Variants in NSUN7 observed in about 807,000 individuals in gnomAD.
NSUN7 encodes protein NSUN7.
In NSUN7, 39 loss-of-function variants were observed where a neutral mutation model predicts 58.5. That is an observed-to-expected ratio of 0.67 (90% CI 0.52 to 0.87). The LOEUF is 0.87. NSUN7 is among the 40% of genes least tolerant of loss of function. The pLI, the probability that NSUN7 is intolerant of heterozygous loss-of-function variation, is 0.00. For missense variants in NSUN7, 765 were observed against 844.1 expected (o/e 0.91, Z 1.16); for synonymous variants, 278 against 303.7 (o/e 0.92, Z 0.88).
At chr4:40,757,835 A>G (rs1293369138) in intron 2 of NSUN7, among the ~76,000 whole-genome samples, 1 of 151,760 alleles carries the variant, frequency 6.6e-6, no homozygotes, top group Non-Finnish European at 1.5e-5. Context: ...CTAGGGGGAA[A>G]AAATGCAATT....
At chr4:40,769,923 A>G (rs1741915412) in intron 4 of NSUN7, among the ~76,000 whole-genome samples, 1 of 152,220 alleles carries the variant, frequency 6.6e-6, no homozygotes, top group Non-Finnish European at 1.5e-5. Context: ...AGAAAATGCA[A>G]TCAAGGTCAG....
intron 10 of NSUN7, among the ~76,000 whole-genome samples, chr4:40,805,557 G>A (rs374959005): frequency 6.6e-6 from 1 of 152,184 alleles, no homozygotes; most frequent in Admixed American, 6.5e-5. Context: ...GGTAACTAAC[G>A]TGGGACCTAT....
At chr4:40,754,570 C>T (rs1741043335) in intron 2 of NSUN7, among the ~76,000 whole-genome samples, 2 of 152,152 alleles carry the variant, frequency 1.3e-5, no homozygotes, top group Non-Finnish European at 2.9e-5. Flanking sequence ...CTGGCTTATA[C>T]AGTATAAGTT....
chr4:40,762,046 T>C (rs1741486502), intron 4 of NSUN7, among the ~76,000 whole-genome samples: 1 of 152,214 alleles, frequency 6.6e-6, no homozygotes, highest in Non-Finnish European at 1.5e-5. Flanking sequence ...AATAGATTAA[T>C]GCTATTATAA....
At chr4:40,792,958 A>T (rs1398505129) in intron 8 of NSUN7, among the ~76,000 whole-genome samples, 2 of 152,186 alleles carry the variant, frequency 1.3e-5, no homozygotes. Context: ...AACAATAAGG[A>T]ATTAGTTTTA....
chr4:40,787,486 TA>T (rs745951488), intron 7 of NSUN7, among the ~76,000 whole-genome samples: 184 of 152,072 alleles, frequency 1.2e-3, no homozygotes, highest in Non-Finnish European at 1.0e-3. Flanking sequence ...TAAAGCACAA[TA>T]AAAAGATACT....
intron 11 of NSUN7, among the ~76,000 whole-genome samples, chr4:40,807,675 T>C (rs1240779696): frequency 2.6e-5 from 4 of 152,008 alleles, no homozygotes; most frequent in African/African-American, 9.7e-5. Context: ...CCCCCGAGTG[T>C]TCCTCTTCTG....
chr4:40,786,561 G>A (rs1742831661), intron 7 of NSUN7: 4 of 1,613,324 alleles, frequency 2.5e-6, no homozygotes, highest in Non-Finnish European at 2.5e-6. Context: ...TTGAGAAATT[G>A]TTAGCAATGG....
intron 7 of NSUN7, chr4:40,776,507 C>T: frequency 3.5e-6 from 1 of 282,214 alleles, no homozygotes; most frequent in Non-Finnish European, 6.6e-6. Context: ...TAATTTGAGG[C>T]TCAAACATTT....
Position 40,808,959 on chromosome 4 carries a change from G to T in NSUN7, c.*20G>T. 6.7e-7 allele frequency: 1 copy of T among 1,494,850 alleles called. No individual in the cohort carries two copies. The highest frequency in any genetic ancestry group is 8.9e-7 in the Non-Finnish European group (1 of 1,124,800). 92.6% of individuals were successfully genotyped at this position (1,494,850 alleles called of 1,614,324 possible). On this transcript the variant is annotated 3_prime_UTR_variant, in exon 12 of 12. Coordinates refer to ENST00000381782, the MANE Select transcript of NSUN7 (RefSeq NM_024677.6). ...CTTTGATTGTCTTGTGTTTTTTATA[G>T]GGGCCAAAGAGCAGTTGATTTTTTT...
At chr4:40,772,519 C>T (rs1742061699) in intron 4 of NSUN7, among the ~76,000 whole-genome samples, 1 of 152,152 alleles carries the variant, frequency 6.6e-6, no homozygotes, top group African/African-American at 2.4e-5. Flanking sequence ...TCACCCTTCC[C>T]TTTCCTTACC....
chr4:40,765,465 G>A (rs1331159895), intron 4 of NSUN7, among the ~76,000 whole-genome samples: 2 of 150,982 alleles, frequency 1.3e-5, no homozygotes, highest in Non-Finnish European at 3.0e-5. Flanking sequence ...CCAGTACCAT[G>A]CTGTTTTGGT....
intron 4 of NSUN7, among the ~76,000 whole-genome samples, chr4:40,771,923 C>T (rs1387159301): frequency 6.6e-6 from 1 of 151,724 alleles, no homozygotes; most frequent in African/African-American, 2.4e-5. Flanking sequence ...TTCATCATTG[C>T]AGTCCTCCTT....
At chr4:40,795,910 T>A (rs2437308) in intron 9 of NSUN7, among the ~76,000 whole-genome samples, 80,144 of 152,134 alleles carry the variant, frequency 0.53, 21,539 homozygotes, top group Admixed American at 0.61. Context: ...ATTATGTGCC[T>A]GGCACCTGCT....
At position 40,809,069 on chromosome 4, in the gene NSUN7, ATATTAC is replaced by A. The variant is rs1744035279; in HGVS notation, c.*132_*137del. The A allele has an allele frequency of 3.1e-6, 3 of 964,422 alleles. No individual in the cohort carries two copies. The highest frequency in any genetic ancestry group is 4.4e-6 in the Non-Finnish European group (3 of 678,492). 59.7% of individuals were successfully genotyped at this position (964,422 alleles called of 1,614,324 possible). On this transcript the variant is annotated 3_prime_UTR_variant, in exon 12 of 12. Coordinates refer to ENST00000381782, the MANE Select transcript of NSUN7 (RefSeq NM_024677.6). ...GTCACCTAGGGATCTTCTAAGTGTG[ATATTAC>A]TTTCAGAGAATTCAGACAAGTGAGA...
intron 2 of NSUN7, among the ~76,000 whole-genome samples, chr4:40,759,982 G>A (rs1741371302): frequency 6.6e-6 from 1 of 152,126 alleles, no homozygotes; most frequent in African/African-American, 2.4e-5. Flanking sequence ...ACGTTGCAGT[G>A]AGCTGAGATC....
chr4:40,795,185 G>A (rs1743261392), intron 9 of NSUN7, among the ~76,000 whole-genome samples: 1 of 152,044 alleles, frequency 6.6e-6, no homozygotes, highest in Admixed American at 6.6e-5. Context: ...AATGGATATG[G>A]GCATAGACCC....
rs1279772421 is a variant in NSUN7 at position 40,776,070 on chromosome 4, G to C, written c.847G>C (p.Val283Leu). ...IFQDKSRSLA[V>L]HSVKALLNMD... ...ACAGGACAAATCTCGAAGTCTTGCT[G>C]TCCATTCTGTAAAGGCTTTATTAAA... is the stretch of plus-strand genomic sequence containing the variant. The change falls in exon 7 of 12, where the codon GTC (valine) becomes CTC (leucine). Residue 283 changes from valine (V) to leucine (L), a missense_variant. Val to Leu is a conservative substitution (Grantham distance 32). Transcript: ENST00000381782. The C allele has an allele frequency of 6.2e-7, 1 of 1,605,304 alleles. No individual in the cohort carries two copies. The highest frequency in any genetic ancestry group is 1.7e-5 in the Admixed American group (1 of 58,326).
chr4:40,802,488 T>C (rs1446458885), intron 10 of NSUN7, among the ~76,000 whole-genome samples: 4 of 152,118 alleles, frequency 2.6e-5, no homozygotes, highest in Non-Finnish European at 5.9e-5. Flanking sequence ...ATGAGCTAGG[T>C]CCCTTTTTAT....
Sources: allele counts gnomAD v4.1 joint callset (sites outside exome capture counted in the v4.1 genomes callset), GRCh38; gene constraint gnomAD v4.1.1; transcripts MANE v1.5; gene names NCBI Gene and HGNC (gene_info 2026-07-23, HGNC 2026-07-21).